Variants in DOCK5 observed in about 807,000 individuals in gnomAD.
The protein encoded by DOCK5 is dedicator of cytokinesis protein 5.
A neutral mutation model predicts 251.8 loss-of-function variants in DOCK5; 142 were observed. The ratio of observed to expected loss-of-function variants is 0.56; its 90% CI spans 0.49 to 0.65. The LOEUF is 0.65. Among genes scored for constraint, DOCK5 ranks in the 30% least tolerant of loss-of-function variants. The pLI, the probability that DOCK5 is intolerant of heterozygous loss-of-function variation, is 0.00. For synonymous variants in DOCK5, 842 were observed against 835.5 expected, an observed-to-expected ratio of 1.01 and a Z score of -0.13; for missense variants, 2,111 against 2,312.3, an observed-to-expected ratio of 0.91 and a Z score of 1.79.
At chr8:25,373,746 G>A (rs560317773) in intron 36 of DOCK5, 88 bp downstream of exon 36, 21 of 1,315,188 alleles carry the variant, frequency 1.6e-5, no homozygotes, top group Admixed American at 1.4e-4. Flanking sequence ...TCCCAACACC[G>A]TGTTTGCTGC....
chr8:25,228,686 A>G (rs1423520976), intron 1 of DOCK5, among the ~76,000 whole-genome samples: 2 of 151,590 alleles, frequency 1.3e-5, no homozygotes, highest in East Asian at 3.9e-4. Flanking sequence ...ATGCTGAGGC[A>G]AGTCTCCCTT....
chr8:25,292,342 G>A (rs1333258975), intron 6 of DOCK5, among the ~76,000 whole-genome samples, 170 bp downstream of exon 6: 2 of 152,146 alleles, frequency 1.3e-5, no homozygotes, highest in African/African-American at 4.8e-5. Context: ...AAATGTCACA[G>A]TTCCCTCCAT....
In DOCK5 at chr8:25,282,849, CAAAAAAAAAAAAAAAA is replaced by C. The variant is rs56687628; in HGVS notation, c.321+4200_321+4215del. Among the ~76,000 whole-genome samples the C allele has an allele frequency of 2.4e-3, 96 of 39,618 alleles. 1 individual carries two copies. The highest frequency in any genetic ancestry group is 8.0e-3 in the African/African-American group (92 of 11,548). 26.0% of individuals were successfully genotyped at this position (39,618 alleles called of 152,430 possible). On this transcript the variant is annotated intron_variant, in intron 5 of 51. Coordinates refer to ENST00000276440, the MANE Select transcript of DOCK5 (RefSeq NM_024940.8). Reference sequence around the variant, plus strand: ...TGGGTGACACAGTAAGACCCTTTCTCAAAAAAAAAAAAAAAAAAAAAAAAAAAAAAAGATACCTGTG... The same window carrying C: ...TGGGTGACACAGTAAGACCCTTTCTCAAAAAAAAAAAAAAAGATACCTGTG...
intron 47 of DOCK5, among the ~76,000 whole-genome samples, chr8:25,401,584 A>T (rs1359508142): frequency 6.6e-6 from 1 of 152,118 alleles, no homozygotes; most frequent in African/African-American, 2.4e-5. Flanking sequence ...AATACAAAAA[A>T]TTAGCTGGGC....
At chr8:25,287,709 G>A (rs188364367) in intron 5 of DOCK5, among the ~76,000 whole-genome samples, 1 of 152,178 alleles carries the variant, frequency 6.6e-6, no homozygotes, top group East Asian at 1.9e-4. Flanking sequence ...AGAAATTCTT[G>A]GATGATGTGA....
At chr8:25,347,794 CAGTCCATTGTATGTAGGA>C (rs1800396568) in intron 26 of DOCK5, among the ~76,000 whole-genome samples, 1 of 152,164 alleles carries the variant, frequency 6.6e-6, no homozygotes, top group South Asian at 2.1e-4. Context: ...TCTCCTAACC[CAGTCCATTGTATGTAGGA>C]ATTGTTCTAG....
chr8:25,398,435 T>G (rs780334825), intron 45 of DOCK5, among the ~76,000 whole-genome samples: 6 of 152,228 alleles, frequency 3.9e-5, no homozygotes, highest in Non-Finnish European at 7.3e-5. Context: ...CTCTGTTGTA[T>G]TAGTTTGCTA....
chr8:25,379,091 GGCAGAA>G (rs1470113080), intron 38 of DOCK5, among the ~76,000 whole-genome samples: 3 of 152,172 alleles, frequency 2.0e-5, no homozygotes, highest in Admixed American at 2.0e-4. Context: ...AAGGGCAAAA[GGCAGAA>G]ACTCCTGAAG....
chr8:25,251,850 A>G (rs1427757213), intron 2 of DOCK5, among the ~76,000 whole-genome samples: 1 of 152,146 alleles, frequency 6.6e-6, no homozygotes, highest in East Asian at 1.9e-4. Flanking sequence ...TTAGCCGGGC[A>G]TGGTGGTGTG....
At chr8:25,252,774 G>A (rs1322839339) in intron 2 of DOCK5, among the ~76,000 whole-genome samples, 1 of 152,152 alleles carries the variant, frequency 6.6e-6, no homozygotes, top group East Asian at 1.9e-4. Context: ...AAAAGCGAAT[G>A]CCTTCTATTT....
intron 1 of DOCK5, among the ~76,000 whole-genome samples, chr8:25,199,261 G>T (rs886280134): frequency 4.6e-5 from 7 of 152,006 alleles, no homozygotes; most frequent in African/African-American, 1.7e-4. Flanking sequence ...GGATGTGAGA[G>T]AACATTTCTA....
chr8:25,229,068 CAAA>C (rs534068390), intron 1 of DOCK5, among the ~76,000 whole-genome samples: 1 of 87,600 alleles, frequency 1.1e-5, no homozygotes, highest in African/African-American at 4.0e-5. Context: ...TCATGTCTAC[CAAA>C]AAAAAAAAAA....
At chr8:25,194,705 G>A (rs1006595664) in intron 1 of DOCK5, among the ~76,000 whole-genome samples, 8 of 152,150 alleles carry the variant, frequency 5.3e-5, no homozygotes, top group Admixed American at 5.2e-4. Context: ...TTCCAGAACA[G>A]AAGTTTGGAT....
Position 25,377,998 on chromosome 8 carries a change from G to A in DOCK5, c.3936+574G>A, listed in dbSNP as rs146121198. Among the ~76,000 whole-genome samples, 53 of 151,562 alleles carry A rather than the reference G, an allele frequency of 3.5e-4. 1 individual carries two copies. In the East Asian group the frequency reaches 8.8e-3, roughly 25 times the overall value. On this transcript the variant is annotated intron_variant, in intron 38 of 51. Coordinates refer to ENST00000276440, the MANE Select transcript of DOCK5 (RefSeq NM_024940.8). ...ACTCCTGGGCTCCAGTGATCCTCCTGTATTGGCCTCCCAAAGTGCCAAGAC... is the reference window on the plus strand; with the variant it reads ...ACTCCTGGGCTCCAGTGATCCTCCTATATTGGCCTCCCAAAGTGCCAAGAC...
At chr8:25,222,937 G>C (rs1198559357) in intron 1 of DOCK5, among the ~76,000 whole-genome samples, 1 of 152,112 alleles carries the variant, frequency 6.6e-6, no homozygotes, top group Non-Finnish European at 1.5e-5. Context: ...CTTCCTAAAG[G>C]GCTTCTCACC....
At chr8:25,197,610 A>T (rs1261589761) in intron 1 of DOCK5, among the ~76,000 whole-genome samples, 1 of 110,654 alleles carries the variant, frequency 9.0e-6, no homozygotes, top group Non-Finnish European at 1.7e-5. Flanking sequence ...TTTGAGAAGG[A>T]GTCTCGCTCT....
intron 1 of DOCK5, among the ~76,000 whole-genome samples, chr8:25,187,991 C>G (rs1801475303): frequency 6.6e-6 from 1 of 152,172 alleles, no homozygotes; most frequent in East Asian, 1.9e-4. Flanking sequence ...TGAATCAGAC[C>G]ATTGTGGTTT....
chr8:25,353,238 G>A (rs940868041), intron 27 of DOCK5, among the ~76,000 whole-genome samples: 9 of 152,174 alleles, frequency 5.9e-5, no homozygotes, highest in African/African-American at 2.2e-4. Flanking sequence ...TACTCTGGAG[G>A]CTGAGGCAGG....
rs759035367 is a variant in DOCK5 at position 25,351,708 on chromosome 8, G to A, written c.2755-23G>A. 1.3e-5 allele frequency: 20 copies of A among 1,597,518 alleles called. No homozygotes were observed. In the Admixed American group the frequency reaches 2.5e-4, roughly 20 times the overall value. ...GTGAAACTGAGTCAGAAGGAATGGA[G>A]TCAAATCCTGTGTTCCCTGCAGGGT... On this transcript the variant is annotated intron_variant, in intron 26 of 51. Coordinates refer to ENST00000276440, the MANE Select transcript of DOCK5 (RefSeq NM_024940.8).
Sources: allele counts gnomAD v4.1 joint callset (sites outside exome capture counted in the v4.1 genomes callset), GRCh38; gene constraint gnomAD v4.1.1; transcripts MANE v1.5; gene names NCBI Gene and HGNC (gene_info 2026-07-23, HGNC 2026-07-21).